AGBL1: variants seen among roughly 807,000 people sequenced by gnomAD.
AGBL1 encodes the protein cytosolic carboxypeptidase 4.
Under a neutral mutation model 118.9 loss-of-function variants are expected in AGBL1, and 130 were observed. The observed-to-expected ratio is 1.09, with a 90% CI of 0.95 to 1.26. AGBL1 has a LOEUF of 1.26. AGBL1 is among the 50% of genes most tolerant of loss of function. AGBL1 has a pLI of 0.00. For synonymous variants in AGBL1, 555 were observed against 478.9 expected (o/e 1.16, Z -2.08); for missense variants, 1,584 against 1,298.1 (o/e 1.22, Z -3.38).
chr15:86,122,075 G>A (rs150748352), intron 1 of AGBL1, among the ~76,000 whole-genome samples: 2 of 152,136 alleles, frequency 1.3e-5, no homozygotes, highest in South Asian at 2.1e-4. Flanking sequence ...TTGAATGTGC[G>A]CTCTCCCTCC....
chr15:86,987,989 T>G lies in AGBL1; in HGVS notation c.3224T>G (p.Leu1075Ter), dbSNP rs1567274242. The G allele has an allele frequency of 1.2e-6, 2 of 1,613,438 alleles. No individual in the cohort carries two copies. The highest frequency in any genetic ancestry group is 2.2e-5 in the South Asian group (2 of 91,052). The change falls in exon 24 of 25, where the codon TTA becomes TGA. Residue 1075 changes from leucine (L) to a stop codon, truncating the protein, a stop_gained and splice_region_variant. Coordinates refer to the AGBL1 transcript ENST00000441037. LOFTEE classifies it high-confidence loss of function. ...ACTCATTTATCTGAACATTACAGAT[T>G]AAAATCATCCAATTTCCTGCCAAAG...
chr15:86,671,805 G>GTC (rs2085751363), intron 21 of AGBL1, among the ~76,000 whole-genome samples: 1 of 152,076 alleles, frequency 6.6e-6, no homozygotes, highest in Non-Finnish European at 1.5e-5. Flanking sequence ...GCCTCTCCAC[G>GTC]TCCACTCATT....
chr15:86,874,391 C>CACACACACA (rs1482812194), intron 22 of AGBL1, among the ~76,000 whole-genome samples: 2 of 151,882 alleles, frequency 1.3e-5, no homozygotes, highest in Non-Finnish European at 2.9e-5. Flanking sequence ...GACACACACA[C>CACACACACA]ACACACACAC....
At position 86,453,010 on chromosome 15, in the gene AGBL1, C is replaced by T. The variant is rs142971164; in HGVS notation, c.2555+55464C>T. ...AGCACATCCTATATGCCTTACCCTT[C>T]TTAATCATTTCCACTGCCCTTAGCC... On this transcript the variant is annotated intron_variant, in intron 18 of 22. Coordinates refer to ENST00000614907, the MANE Select transcript of AGBL1 (RefSeq NM_001386094.1). Among the ~76,000 whole-genome samples the T allele has an allele frequency of 1.6e-3, 239 of 152,328 alleles. 1 individual carries two copies. Among genetic ancestry groups the T allele is most frequent in the African/African-American group, 5.5e-3 (229 of 41,572 alleles).
At position 86,430,443 on chromosome 15, in the gene AGBL1, C is replaced by T. The variant is rs531093620; in HGVS notation, c.2555+32897C>T. Among the ~76,000 whole-genome samples, 6 of 148,724 alleles carry T rather than the reference C, an allele frequency of 4.0e-5. No individual in the cohort carries two copies. The South Asian group carries it at 8.5e-4, about 21-fold the overall frequency. On this transcript the variant is annotated intron_variant, in intron 18 of 22. Coordinates refer to ENST00000614907, the MANE Select transcript of AGBL1 (RefSeq NM_001386094.1). ...CCAGGAGGTGGAGCTTGCAGTGAGC[C>T]GAGATCACGCCACTGCACTCCAGCC...
At chr15:86,802,188 C>T (rs1229332036) in intron 22 of AGBL1, among the ~76,000 whole-genome samples, 2 of 152,096 alleles carry the variant, frequency 1.3e-5, no homozygotes, top group Non-Finnish European at 2.9e-5. Flanking sequence ...AAGTTTGACT[C>T]ATCAGCTCTC....
At chr15:86,990,330 C>T (rs2081325390) in intron 24 of AGBL1, among the ~76,000 whole-genome samples, 1 of 152,146 alleles carries the variant, frequency 6.6e-6, no homozygotes, top group Admixed American at 6.5e-5. Context: ...GCCTGACCAA[C>T]AAGGTGAAAC....
intron 23 of AGBL1, among the ~76,000 whole-genome samples, chr15:86,952,696 C>T (rs553947498): frequency 2.0e-5 from 3 of 152,118 alleles, no homozygotes; most frequent in African/African-American, 7.2e-5. Context: ...TTAGGTCCAA[C>T]TTGTCAATTT....
At chr15:86,303,362 A>G (rs1242314376) in intron 17 of AGBL1, among the ~76,000 whole-genome samples, 1 of 152,134 alleles carries the variant, frequency 6.6e-6, no homozygotes, top group Non-Finnish European at 1.5e-5. Context: ...GGAGGGGCCT[A>G]AATTTAAGAG....
intron 5 of AGBL1, among the ~76,000 whole-genome samples, chr15:86,181,410 TA>T (rs567791680): frequency 8.9e-4 from 136 of 152,172 alleles, no homozygotes; most frequent in African/African-American, 3.0e-3. Context: ...GATGCCAGAT[TA>T]AAAAGTATAT....
intron 24 of AGBL1, among the ~76,000 whole-genome samples, chr15:87,003,783 C>G (rs998461513): frequency 6.6e-6 from 1 of 152,168 alleles, no homozygotes; most frequent in African/African-American, 2.4e-5. Flanking sequence ...TTATAGTATT[C>G]TCTGATGGTA....
intron 17 of AGBL1, among the ~76,000 whole-genome samples, chr15:86,305,306 A>G (rs892056155): frequency 2.0e-5 from 3 of 152,188 alleles, no homozygotes; most frequent in African/African-American, 7.2e-5. Flanking sequence ...TGTGTAGAGA[A>G]GTATAAAACC....
chr15:86,314,952 G>A (rs2079978415), intron 17 of AGBL1, among the ~76,000 whole-genome samples: 1 of 152,168 alleles, frequency 6.6e-6, no homozygotes, highest in Non-Finnish European at 1.5e-5. Context: ...GGCTTAAACT[G>A]TCTAAGCTTC....
At chr15:86,510,226 A>T (rs1187531776) in intron 18 of AGBL1, among the ~76,000 whole-genome samples, 8 of 152,128 alleles carry the variant, frequency 5.3e-5, no homozygotes, top group African/African-American at 1.9e-4. Flanking sequence ...ACACATTGAC[A>T]TCCTCTAAAG....
chr15:86,455,747 A>G (rs1053810114), intron 18 of AGBL1, among the ~76,000 whole-genome samples: 1 of 152,136 alleles, frequency 6.6e-6, no homozygotes, highest in African/African-American at 2.4e-5. Flanking sequence ...GGTACATATC[A>G]TCATCATCAT....
At chr15:86,622,432 C>G (rs549628786) in intron 21 of AGBL1, among the ~76,000 whole-genome samples, 1 of 151,948 alleles carries the variant, frequency 6.6e-6, no homozygotes, top group South Asian at 2.1e-4. Context: ...GTACTAAACA[C>G]TGACCAAAAG....
At chr15:86,765,062 T>C (rs1452445) in intron 22 of AGBL1, among the ~76,000 whole-genome samples, 6,406 of 151,984 alleles carry the variant, frequency 0.042, 331 homozygotes, top group African/African-American at 0.11. Context: ...CCATTAGGTA[T>C]AGTTTATGAC....
At chr15:86,743,793 A>G (rs2077715701) in intron 22 of AGBL1, among the ~76,000 whole-genome samples, 1 of 152,102 alleles carries the variant, frequency 6.6e-6, no homozygotes, top group South Asian at 2.1e-4. Flanking sequence ...GGAAATGTTG[A>G]CTGCCCTAGT....
intron 17 of AGBL1, among the ~76,000 whole-genome samples, chr15:86,358,019 A>AT (rs894161187): frequency 1.3e-5 from 2 of 152,190 alleles, no homozygotes; most frequent in South Asian, 2.1e-4. Flanking sequence ...CATACTTATA[A>AT]TTTTTTTGTG....
Sources: gnomAD v4.1 joint callset for allele counts (sites outside exome capture counted in the v4.1 genomes callset) on GRCh38, gnomAD v4.1.1 for gene constraint, MANE v1.5 for transcripts, NCBI Gene and HGNC (gene_info 2026-07-23, HGNC 2026-07-21) for gene names.